The following ATP6V1C1 variants were observed in gnomAD, a reference collection of about 807,000 sequenced individuals.
ATP6V1C1 encodes the protein V-type proton ATPase subunit C 1.
ATP6V1C1 carries 45 observed loss-of-function variants against 53.9 expected under a neutral mutation model. That is an observed-to-expected ratio of 0.83 (90% confidence interval 0.66 to 1.07). The LOEUF (loss-of-function observed/expected upper bound fraction) is 1.07, where lower values mean the gene tolerates loss of function less well. ATP6V1C1 is among the 50% of genes least tolerant of loss of function. The pLI, the probability that ATP6V1C1 is intolerant of heterozygous loss-of-function variation, is 0.00. For synonymous variants in ATP6V1C1, 153 were observed against 155.2 expected (o/e 0.99, Z 0.11); for missense variants, 315 against 440.3 (o/e 0.72, Z 2.55).
intron 1 of ATP6V1C1, among the ~76,000 whole-genome samples, chr8:103,025,567 A>G (rs1385805376): frequency 6.6e-6 from 1 of 152,250 alleles, no homozygotes; most frequent in South Asian, 2.1e-4. Context: ...TACTGAAACT[A>G]TATCCTAATA....
At chr8:103,040,770 GA>G in intron 1 of ATP6V1C1, 27 bp from the exon 2 acceptor site, 4 of 1,547,128 alleles carry the variant, frequency 2.6e-6, no homozygotes, top group African/African-American at 1.4e-5. Flanking sequence ...TTTTAAATGT[GA>G]TTTTTTTTAT....
At chr8:103,065,964 C>T (rs893040637) in intron 11 of ATP6V1C1, among the ~76,000 whole-genome samples, 1 of 151,754 alleles carries the variant, frequency 6.6e-6, no homozygotes, top group Non-Finnish European at 1.5e-5. Flanking sequence ...ATGGCTTGAA[C>T]CCAGGAGGCG....
chr8:103,040,791 A>G lies in ATP6V1C1; in HGVS notation c.-39-7A>G. 2 of 1,579,802 alleles carry G rather than the reference A, an allele frequency of 1.3e-6. No homozygotes were observed. Among genetic ancestry groups the G allele is most frequent in the Non-Finnish European group, 8.6e-7 (1 of 1,164,392 alleles). On this transcript the variant is annotated splice_region_variant and splice_polypyrimidine_tract_variant and intron_variant, in intron 1 of 12. Transcript: ENST00000518738. Reference sequence around the variant, plus strand: ...ATGTGATTTTTTTTATTTGTTTTACATTTCAGAATCTCTCTTGATTTTTGA... The same window carrying G: ...ATGTGATTTTTTTTATTTGTTTTACGTTTCAGAATCTCTCTTGATTTTTGA...
intron 4 of ATP6V1C1, among the ~76,000 whole-genome samples, chr8:103,049,428 TCTTTA>T (rs1315438417): frequency 6.6e-6 from 1 of 152,218 alleles, no homozygotes; most frequent in Non-Finnish European, 1.5e-5. Context: ...TTTTGGCATT[TCTTTA>T]CTTAATACCC....
intron 3 of ATP6V1C1, among the ~76,000 whole-genome samples, chr8:103,048,263 C>T (rs911639094): frequency 6.6e-6 from 1 of 151,998 alleles, no homozygotes; most frequent in African/African-American, 2.4e-5. Context: ...CATTTTTTTC[C>T]CCCCTAAAGT....
intron 3 of ATP6V1C1, among the ~76,000 whole-genome samples, chr8:103,043,201 A>G (rs1194183147): frequency 6.6e-6 from 1 of 152,116 alleles, no homozygotes; most frequent in African/African-American, 2.4e-5. Context: ...GTACCGTGTA[A>G]TATTCCCGCC....
intron 8 of ATP6V1C1, among the ~76,000 whole-genome samples, chr8:103,059,420 G>T (rs1010142064): frequency 6.6e-6 from 1 of 152,010 alleles, no homozygotes; most frequent in Non-Finnish European, 1.5e-5. Context: ...AAACTCTCTA[G>T]TTGCCCTGTA....
At chr8:103,061,599 G>A (rs903372255) in intron 8 of ATP6V1C1, among the ~76,000 whole-genome samples, 42 of 152,304 alleles carry the variant, frequency 2.8e-4, no homozygotes, top group African/African-American at 9.4e-4. Context: ...TTGGTAGTGA[G>A]GGGTATGTTT....
chr8:103,036,640 A>G (rs1816903528), intron 1 of ATP6V1C1, among the ~76,000 whole-genome samples: 1 of 152,216 alleles, frequency 6.6e-6, no homozygotes, highest in African/African-American at 2.4e-5. Context: ...AGCTCAGTGA[A>G]GTAGATAGGG....
At chr8:103,035,359 G>A (rs1816876020) in intron 1 of ATP6V1C1, among the ~76,000 whole-genome samples, 1 of 152,042 alleles carries the variant, frequency 6.6e-6, no homozygotes, top group Admixed American at 6.6e-5. Context: ...AATTCAACAG[G>A]CATTTATTAA....
At chr8:103,024,969 A>G (rs1816668561) in intron 1 of ATP6V1C1, among the ~76,000 whole-genome samples, 1 of 152,162 alleles carries the variant, frequency 6.6e-6, no homozygotes, top group South Asian at 2.1e-4. Flanking sequence ...AAAATGAGCC[A>G]GGTAGGCAGT....
Position 103,042,382 on chromosome 8 carries a change from G to A in ATP6V1C1, c.175G>A (p.Ala59Thr), listed in dbSNP as rs763423415. The change falls in exon 3 of 13, where the codon GCT becomes ACT. Residue 59 changes from alanine (A) to threonine (T), a missense_variant. By Grantham distance (58) the Ala-to-Thr change is moderately conservative. Coordinates refer to ENST00000518738, the MANE Select transcript of ATP6V1C1 (RefSeq NM_001695.5). ...DVLVGLSDELAKLDAFVEGVV... is the reference protein window; with the variant it reads ...DVLVGLSDELTKLDAFVEGVV... Reference sequence around the variant, plus strand: ...CTTGGTTGGCTTGTCAGATGAACTGGCTAAACTGGATGCATTTGTAGAAGG... The same window carrying A: ...CTTGGTTGGCTTGTCAGATGAACTGACTAAACTGGATGCATTTGTAGAAGG... 1 of 1,613,870 alleles carries A rather than the reference G, an allele frequency of 6.2e-7. No individual in the cohort carries two copies. The highest frequency in any genetic ancestry group is 8.5e-7 in the Non-Finnish European group (1 of 1,179,952).
chr8:103,032,719 C>G (rs553146082), intron 1 of ATP6V1C1, among the ~76,000 whole-genome samples: 1 of 152,236 alleles, frequency 6.6e-6, no homozygotes, highest in East Asian at 1.9e-4. Context: ...CTCAAGTGAT[C>G]CACCTGCCTC....
intron 12 of ATP6V1C1, among the ~76,000 whole-genome samples, chr8:103,066,693 G>T (rs1017117509): frequency 1.3e-5 from 2 of 152,158 alleles, no homozygotes; most frequent in Non-Finnish European, 2.9e-5. Flanking sequence ...TGTATCAGAT[G>T]TTTATAGCTG....
intron 3 of ATP6V1C1, 85 bp downstream of exon 3, chr8:103,042,492 A>G (rs1817019019): frequency 7.5e-7 from 1 of 1,326,966 alleles, no homozygotes; most frequent in Non-Finnish European, 1.1e-6. Flanking sequence ...TATCACATGT[A>G]TACTCTGCTT....
Position 103,053,864 on chromosome 8 carries a change from G to T in ATP6V1C1, c.474-20G>T, listed in dbSNP as rs1268369995. 3 of 1,563,036 alleles carry T rather than the reference G, an allele frequency of 1.9e-6. No individual in the cohort carries two copies. Among genetic ancestry groups the T allele is most frequent in the South Asian group, 2.3e-5 (2 of 88,666 alleles). ...AGAAGCACATAATTATCAGCCTAATGATTTGTTTTAATTCCTCAGAGGAAG... is the reference window on the plus strand; with the variant it reads ...AGAAGCACATAATTATCAGCCTAATTATTTGTTTTAATTCCTCAGAGGAAG... On this transcript the variant is annotated intron_variant, in intron 6 of 12. Coordinates refer to ENST00000518738, the MANE Select transcript of ATP6V1C1 (RefSeq NM_001695.5).
intron 1 of ATP6V1C1, among the ~76,000 whole-genome samples, chr8:103,023,716 T>C (rs1408114026): frequency 6.6e-6 from 1 of 152,222 alleles, no homozygotes. Flanking sequence ...TGCTATTCAT[T>C]GTATAGATGG....
At chr8:103,040,533 A>T (rs1816980182) in intron 1 of ATP6V1C1, among the ~76,000 whole-genome samples, 1 of 152,162 alleles carries the variant, frequency 6.6e-6, no homozygotes, top group Admixed American at 6.5e-5. Context: ...AACTCCCGTT[A>T]AGGATGTTTT....
chr8:103,051,005 A>AT (rs1563606479), intron 4 of ATP6V1C1, 45 bp from the exon 5 acceptor site: 1 of 1,357,700 alleles, frequency 7.4e-7, no homozygotes, highest in Non-Finnish European at 1.0e-6. Context: ...AAACTGAACA[A>AT]TTCTATTGTT....
Sources: allele counts gnomAD v4.1 joint callset (sites outside exome capture counted in the v4.1 genomes callset), GRCh38; gene constraint gnomAD v4.1.1; transcripts MANE v1.5; gene names NCBI Gene and HGNC (gene_info 2026-07-23, HGNC 2026-07-21).